The following KDM6B variants were observed in gnomAD, a reference collection of about 807,000 sequenced individuals.
The protein encoded by KDM6B is lysine-specific demethylase 6B.
In KDM6B, 22 loss-of-function variants were observed where a neutral mutation model predicts 150.4. The observed-to-expected ratio is 0.15, with a 90% CI of 0.10 to 0.21. The LOEUF is 0.21. Among genes scored for constraint, KDM6B ranks in the 10% least tolerant of loss-of-function variants. KDM6B has a pLI of 1.00. For missense variants in KDM6B, 1,984 were observed against 2,234.3 expected (o/e 0.89, Z 2.26); for synonymous variants, 1,148 against 921.1 (o/e 1.25, Z -4.46).
At position 7,848,083 on chromosome 17, in the gene KDM6B, C is replaced by G; in HGVS notation, c.1795C>G (p.Leu599Val). The part of the protein sequence containing the change: ...SPAQNPQDPP[L>V]VPLTLALPPA... ...AGCACAGAACCCCCAGGACCCACCTCTTGTACCCCTGACTCTTGCCCTGCC... is the reference window on the plus strand; with the variant it reads ...AGCACAGAACCCCCAGGACCCACCTGTTGTACCCCTGACTCTTGCCCTGCC... The change falls in exon 12 of 24, where the codon CTT becomes GTT. Residue 599 changes from leucine (L) to valine (V), a missense_variant. Coordinates refer to ENST00000448097, the MANE Select transcript of KDM6B (RefSeq NM_001348716.2). 2 of 1,612,860 alleles carry G rather than the reference C, an allele frequency of 1.2e-6. No homozygotes were observed. The highest frequency in any genetic ancestry group is 1.7e-6 in the Non-Finnish European group (2 of 1,179,664).
At chr17:7,837,022 C>T (rs1251153074) in intron 1 of KDM6B, among the ~76,000 whole-genome samples, 2 of 152,138 alleles carry the variant, frequency 1.3e-5, no homozygotes, top group African/African-American at 4.8e-5. Flanking sequence ...TGGGAAACCC[C>T]GGCCTGGAGT....
At chr17:7,835,747 AC>A (rs528998599) in intron 1 of KDM6B, among the ~76,000 whole-genome samples, 1 of 100,948 alleles carries the variant, frequency 9.9e-6, no homozygotes, top group African/African-American at 3.7e-5. Flanking sequence ...GCTCGCGCCC[AC>A]CCCCCGCCCT....
Position 7,847,319 on chromosome 17 carries a change from C to T in KDM6B, c.1124C>T (p.Ser375Leu). ...AGGTCGCGGATGGACTCCAGCGTTT[C>T]ACCAGCAGCAACCACCGCCTGCGTG... Reference protein sequence around the residue: ...VQRSRMDSSVSPAATTACVPY... With the variant: ...VQRSRMDSSVLPAATTACVPY... The change falls in exon 11 of 24, where the codon TCA becomes TTA. Residue 375 changes from serine to leucine, a missense_variant. Physicochemically the swap from Ser to Leu is moderately radical, Grantham distance 145. This residue lies in a region of KDM6B where 1,379 missense variants were observed against 1,275.6 expected (regional missense o/e 1.08). Coordinates refer to ENST00000448097, the MANE Select transcript of KDM6B (RefSeq NM_001348716.2). 6.2e-7 allele frequency: 1 copy of T among 1,608,572 alleles called. No homozygotes were observed. The highest frequency in any genetic ancestry group is 8.5e-7 in the Non-Finnish European group (1 of 1,179,854).
At chr17:7,835,587 C>T (rs1007217967) in intron 1 of KDM6B, among the ~76,000 whole-genome samples, 1 of 152,084 alleles carries the variant, frequency 6.6e-6, no homozygotes, top group Non-Finnish European at 1.5e-5. Flanking sequence ...CTCCCGTCCG[C>T]CCAATCCGCT....
At position 7,848,608 on chromosome 17, in the gene KDM6B, G is replaced by A. The variant is rs1174430000; in HGVS notation, c.2320G>A (p.Ala774Thr). The stretch of plus-strand genomic sequence containing the variant: ...GGAAGAGGAGAAGAAGCCACCACCA[G>A]CCCTACCACCACCACCGCCTCTAGC... ...TQEEEKKPPP[A>T]LPPPPPLAKF... is the part of the protein sequence containing the mutation. The change falls in exon 12 of 24, where the codon GCC becomes ACC. Residue 774 changes from alanine (A) to threonine (T), a missense_variant. By Grantham distance (58) the Ala-to-Thr change is moderately conservative. Around this residue, in one of 13 missense-constraint regions of KDM6B, gnomAD observed 1,379 missense variants for 1,275.6 expected, o/e 1.08. Coordinates refer to ENST00000448097, the MANE Select transcript of KDM6B (RefSeq NM_001348716.2). 2 of 1,592,484 alleles carry A rather than the reference G, an allele frequency of 1.3e-6. No individual in the cohort carries two copies. Among genetic ancestry groups the A allele is most frequent in the African/African-American group, 1.4e-5 (1 of 73,564 alleles).
At chr17:7,834,877 AC>A (rs1244036540) in intron 1 of KDM6B, among the ~76,000 whole-genome samples, 6 of 140,028 alleles carry the variant, frequency 4.3e-5, no homozygotes, top group Admixed American at 7.1e-5. Context: ...TCTTCCCACC[AC>A]CCCCCTGCGC....
chr17:7,843,791 G>T lies in KDM6B; in HGVS notation c.-268-1110G>T, dbSNP rs2078468749. On this transcript the variant is annotated intron_variant, in intron 2 of 23. Coordinates refer to ENST00000448097, the MANE Select transcript of KDM6B (RefSeq NM_001348716.2). The surrounding 1 kb of genome is among the most constrained non-coding windows in gnomAD (Gnocchi z 4.5). ...GCCGAGTCGGCTCCCTACCTGCGGG[G>T]ACGCCGGGTAGGCAAGGAGGAGGCG... 1.3e-5 allele frequency among the ~76,000 whole-genome samples: 2 copies of T among 152,170 alleles called. No individual in the cohort carries two copies. Among genetic ancestry groups the T allele is most frequent in the African/African-American group, 2.4e-5 (1 of 41,450 alleles).
rs1567801326 is a variant in KDM6B at position 7,851,034 on chromosome 17, C to T, written c.3687C>T (p.Phe1229=). The T allele has an allele frequency of 3.7e-6, 6 of 1,608,362 alleles. No individual in the cohort carries two copies. The highest frequency in any genetic ancestry group is 1.6e-4 in the Middle Eastern group (1 of 6,078). Residue 1229 remains phenylalanine (F), a synonymous_variant, in exon 15 of 24, where the codon TTC becomes TTT. Transcript: ENST00000448097. ...AGSLRLNLGL[F]STKTLVEASG... ...CCTCCCTTCCAGACTTGGGCCTCTT[C>T]TCCACCAAGACCCTGGTGGAAGCGA...
At chr17:7,851,252 A>G (rs957226016) in intron 15 of KDM6B, 26 bp downstream of exon 15, 2 of 1,613,850 alleles carry the variant, frequency 1.2e-6, no homozygotes, top group Non-Finnish European at 1.7e-6. Flanking sequence ...GGCCAGAGGC[A>G]GGTCCTGGGA....
At chr17:7,840,996 A>G (rs748204822) in intron 2 of KDM6B, among the ~76,000 whole-genome samples, 5 of 152,178 alleles carry the variant, frequency 3.3e-5, no homozygotes, top group Non-Finnish European at 7.3e-5. Flanking sequence ...GAGGCAGTAC[A>G]TAAGAGTGGT....
Position 7,847,137 on chromosome 17 carries a change from A to G in KDM6B, c.942A>G (p.Pro314=). ...GGCACTCGCTGCCTCACCCATATCC[A>G]TACCCAGCTCCAGCGTACACCGCGC... The part of the protein sequence containing the change: ...EQRHSLPHPY[P]YPAPAYTAHP... The change falls in exon 11 of 24, where the codon CCA becomes CCG. Residue 314 remains proline, a synonymous_variant. Coordinates refer to ENST00000448097, the MANE Select transcript of KDM6B (RefSeq NM_001348716.2). 1.9e-6 allele frequency: 3 copies of G among 1,610,200 alleles called. No homozygotes were observed. Among genetic ancestry groups the G allele is most frequent in the Non-Finnish European group, 2.5e-6 (3 of 1,179,872 alleles).
In KDM6B at chr17:7,847,401, T is replaced by TAGC. The variant is rs762814813; in HGVS notation, c.1217_1219dup (p.Ser406dup). The TAGC allele has an allele frequency of 4.3e-6, 7 of 1,613,300 alleles. No individual in the cohort carries two copies. In the East Asian group the frequency reaches 1.1e-4, roughly 26 times the overall value. On this transcript the variant is annotated inframe_insertion, in exon 11 of 24. Coordinates refer to ENST00000448097, the MANE Select transcript of KDM6B (RefSeq NM_001348716.2). ...CCGGCACCACCACCAGCAGCAGCAG[T>TAGC]AGCAGCAGCAGCAACACTGGTCTCC... is the stretch of plus-strand genomic sequence containing the variant.
At chr17:7,853,155 T>C in intron 22 of KDM6B, 29 bp downstream of exon 22, 3 of 1,613,990 alleles carry the variant, frequency 1.9e-6, no homozygotes, top group Non-Finnish European at 2.5e-6. Flanking sequence ...CTGCTCTCCC[T>C]GAGTGTCCAC....
chr17:7,852,358 T>C, intron 20 of KDM6B, 22 bp downstream of exon 20: 1 of 1,598,290 alleles, frequency 6.3e-7, no homozygotes, highest in Non-Finnish European at 8.5e-7. Context: ...GGGCAGGTGT[T>C]GGCGTGGTGT....
intron 1 of KDM6B, among the ~76,000 whole-genome samples, chr17:7,837,763 A>G (rs2151367930): frequency 6.6e-6 from 1 of 152,360 alleles, no homozygotes; most frequent in South Asian, 2.1e-4. Flanking sequence ...GAATGAACAC[A>G]GAATGAGTGC....
At chr17:7,836,357 G>T (rs1243590697) in intron 1 of KDM6B, among the ~76,000 whole-genome samples, 1 of 152,152 alleles carries the variant, frequency 6.6e-6, no homozygotes, top group Non-Finnish European at 1.5e-5. Flanking sequence ...CGCTTCTCCC[G>T]GTTATATAAC....
At position 7,843,466 on chromosome 17, in the gene KDM6B, C is replaced by A. The variant is rs1449314114; in HGVS notation, c.-268-1435C>A. ...TTGGCGGAGAGTGGCACGCAGGGAC[C>A]TGTAGGGTCCAAGCGCTTCCATGCA... On this transcript the variant is annotated intron_variant, in intron 2 of 23. Coordinates refer to ENST00000448097, the MANE Select transcript of KDM6B (RefSeq NM_001348716.2). The surrounding 1 kb of genome is among the most constrained non-coding windows in gnomAD (Gnocchi z 4.5). Among the ~76,000 whole-genome samples the A allele has an allele frequency of 6.6e-6, 1 of 152,228 alleles. No homozygotes were observed. The highest frequency in any genetic ancestry group is 2.4e-5 in the African/African-American group (1 of 41,458).
At position 7,853,664 on chromosome 17, in the gene KDM6B, T is replaced by A; in HGVS notation, c.*143T>A. On this transcript the variant is annotated 3_prime_UTR_variant, in exon 24 of 24. Transcript: ENST00000448097. The stretch of plus-strand genomic sequence containing the variant: ...CACCCCATTGGCAGCTCCCCTCACT[T>A]AATTTATTAAGAAAAACTTTTTTTT... 4.5e-6 allele frequency: 2 copies of A among 444,370 alleles called. No individual in the cohort carries two copies. Among genetic ancestry groups the A allele is most frequent in the South Asian group, 9.5e-5 (1 of 10,506 alleles). The allele number at this position is 444,370 out of a possible 1,614,324, so 27.5% of individuals were successfully genotyped here. A position where few individuals can be genotyped will look rare whatever the true frequency, so the allele number is the denominator to read the frequency against.
rs1045476095 is a variant in KDM6B, at chr17:7,851,430, C to T, written c.3944+36C>T. ...GGTGTGCCCCTTCTGTTCCTGCTTC[C>T]TTCCCCTCCCTCTGCTCTCCACCAA... On this transcript the variant is annotated intron_variant, in intron 16 of 23. Transcript: ENST00000448097. 6 of 1,614,172 alleles carry T rather than the reference C, an allele frequency of 3.7e-6. No homozygotes were observed. The Admixed American group carries it at 5.0e-5, about 13-fold the overall frequency.
Sources: gnomAD v4.1 joint callset for allele counts (sites outside exome capture counted in the v4.1 genomes callset) on GRCh38, gnomAD v4.1.1 for gene constraint, gnomAD v4.1.1 regional missense constraint, Gnocchi (gnomAD v3.1) non-coding constraint, MANE v1.5 for transcripts, NCBI Gene and HGNC (gene_info 2026-07-23, HGNC 2026-07-21) for gene names.